FLT3: variants seen among roughly 807,000 people sequenced by gnomAD.
The protein encoded by FLT3 is receptor-type tyrosine-protein kinase FLT3.
In FLT3, 46 loss-of-function variants were observed where a neutral mutation model predicts 126.6. The ratio of observed to expected loss-of-function variants is 0.36; its 90% CI spans 0.29 to 0.46. The LOEUF (loss-of-function observed/expected upper bound fraction) is 0.46, where lower values mean the gene tolerates loss of function less well. Ranked by LOEUF, FLT3 falls within the 20% of genes least tolerant of loss-of-function variation. FLT3 has a pLI of 1.00. For missense variants in FLT3, 1,069 were observed against 1,190.3 expected, an observed-to-expected ratio of 0.90 and a Z score of 1.50; for synonymous variants, 404 against 434.4, an observed-to-expected ratio of 0.93 and a Z score of 0.87.
chr13:28,087,534 G>C (rs1226176446), intron 1 of FLT3, among the ~76,000 whole-genome samples: 1 of 152,130 alleles, frequency 6.6e-6, no homozygotes, highest in Non-Finnish European at 1.5e-5. Context: ...GAGTTTCACT[G>C]GGCTTCTTGA....
chr13:28,094,326 GTAAA>G (rs1879309059), intron 1 of FLT3, among the ~76,000 whole-genome samples: 1 of 152,040 alleles, frequency 6.6e-6, no homozygotes, highest in African/African-American at 2.4e-5. Flanking sequence ...AGCATAGACT[GTAAA>G]TAATTGTATG....
chr13:28,044,566 C>A (rs1339734879), intron 9 of FLT3, among the ~76,000 whole-genome samples: 2 of 152,108 alleles, frequency 1.3e-5, no homozygotes, highest in Admixed American at 1.3e-4. Context: ...ACATTTAGAG[C>A]ACTCAGAGGC....
chr13:28,088,507 T>C (rs1190890097), intron 1 of FLT3, among the ~76,000 whole-genome samples: 2 of 151,920 alleles, frequency 1.3e-5, no homozygotes, highest in African/African-American at 4.8e-5. Context: ...AGGCTGGTCT[T>C]GAACTGCTGA....
At chr13:28,064,203 A>T (rs1017045048) in intron 2 of FLT3, among the ~76,000 whole-genome samples, 1 of 152,216 alleles carries the variant, frequency 6.6e-6, no homozygotes, top group East Asian at 1.9e-4. Flanking sequence ...ACCTTTGAAA[A>T]TTGAGGGACA....
chr13:28,095,517 GC>G (rs1231835984), intron 1 of FLT3, among the ~76,000 whole-genome samples: 1 of 151,972 alleles, frequency 6.6e-6, no homozygotes. Flanking sequence ...CTCGTGATCT[GC>G]CCACCTTGGC....
At chr13:28,071,827 T>C (rs1415893569) in intron 1 of FLT3, among the ~76,000 whole-genome samples, 1 of 152,052 alleles carries the variant, frequency 6.6e-6, no homozygotes, top group Non-Finnish European at 1.5e-5. Context: ...TCAGCTTTCA[T>C]CATCTGCTTC....
At chr13:28,007,757 C>A (rs998977348) in intron 23 of FLT3, among the ~76,000 whole-genome samples, 2 of 152,092 alleles carry the variant, frequency 1.3e-5, no homozygotes, top group Non-Finnish European at 2.9e-5. Context: ...AATAATAGAA[C>A]CTACTTCAGG....
intron 2 of FLT3, among the ~76,000 whole-genome samples, chr13:28,064,485 C>A (rs547765543): frequency 6.6e-6 from 1 of 152,006 alleles, no homozygotes; most frequent in Admixed American, 6.6e-5. Context: ...AGGCAGAGAA[C>A]TGCTTGAACC....
chr13:28,031,629 G>A (rs1408876685), intron 15 of FLT3, among the ~76,000 whole-genome samples: 1 of 152,172 alleles, frequency 6.6e-6, no homozygotes, highest in Admixed American at 6.5e-5. Flanking sequence ...GTGAGACAGA[G>A]GAAGTGGTGT....
intron 23 of FLT3, among the ~76,000 whole-genome samples, chr13:28,006,200 C>T (rs149708099): frequency 2.3e-3 from 344 of 151,928 alleles, no homozygotes; most frequent in Non-Finnish European, 3.6e-3. Flanking sequence ...AGATTTGTTC[C>T]GTTCCCACAG....
intron 19 of FLT3, among the ~76,000 whole-genome samples, chr13:28,022,489 G>T (rs1872487162): frequency 6.6e-6 from 1 of 152,110 alleles, no homozygotes; most frequent in Admixed American, 6.6e-5. Flanking sequence ...TCCAGCCTGG[G>T]CAACAGAGCG....
In FLT3 at chr13:28,052,548, T is replaced by TC; in HGVS notation, c.610dup (p.Glu204GlyfsTer4). ...AGCTACCATGGATGTGTCATACCTT[T>TC]CCCCCTGTGAATCGCAAAGCACCCA... is the stretch of plus-strand genomic sequence containing the variant. On this transcript the variant is annotated frameshift_variant, in exon 5 of 24. Transcript: ENST00000241453. LOFTEE classifies it high-confidence loss of function. The TC allele has an allele frequency of 6.2e-7, 1 of 1,612,384 alleles. No homozygotes were observed. The highest frequency in any genetic ancestry group is 2.2e-5 in the East Asian group (1 of 44,852).
intron 15 of FLT3, among the ~76,000 whole-genome samples, chr13:28,029,224 C>G (rs1193501429): frequency 6.6e-6 from 1 of 152,172 alleles, no homozygotes; most frequent in African/African-American, 2.4e-5. Flanking sequence ...AACCCTGTCT[C>G]TACTAAACAT....
intron 23 of FLT3, among the ~76,000 whole-genome samples, chr13:28,008,428 C>CCTT (rs993911199): frequency 6.6e-6 from 1 of 151,890 alleles, no homozygotes; most frequent in South Asian, 2.1e-4. Flanking sequence ...CCCTCTTTCC[C>CCTT]CTTCTTCTTC....
intron 15 of FLT3, among the ~76,000 whole-genome samples, chr13:28,028,900 G>A (rs1009792387): frequency 6.6e-6 from 1 of 151,290 alleles, no homozygotes; most frequent in Admixed American, 6.6e-5. Context: ...TCCTACCTCA[G>A]CCCTCCAAGT....
intron 9 of FLT3, among the ~76,000 whole-genome samples, chr13:28,044,768 C>T (rs1874709640): frequency 6.6e-6 from 1 of 152,112 alleles, no homozygotes; most frequent in Admixed American, 6.5e-5. Context: ...TAACAATAAA[C>T]ACTGAGTACT....
At chr13:28,085,215 A>G (rs1476570138) in intron 1 of FLT3, among the ~76,000 whole-genome samples, 2 of 145,592 alleles carry the variant, frequency 1.4e-5, no homozygotes, top group East Asian at 2.1e-4. Context: ...CTGGTGGCGC[A>G]CGCCTATAGT....
chr13:28,018,416 G>A lies in FLT3; in HGVS notation c.2541+51C>T, dbSNP rs376666403. 7.5e-6 allele frequency: 12 copies of A among 1,602,592 alleles called. No individual in the cohort carries two copies. In the East Asian group the frequency reaches 9.0e-5, roughly 12 times the overall value. On this transcript the variant is annotated intron_variant, in intron 20 of 23. Coordinates refer to ENST00000241453, the MANE Select transcript of FLT3 (RefSeq NM_004119.3). The stretch of plus-strand genomic sequence containing the variant: ...GAGTGCAGTTGTTTACCATGATAAC[G>A]ACACAACACAAAATAGCCGTATAAA...
At chr13:28,059,958 CAATAAATAAATAAATAAATA>C (rs10523017) in intron 3 of FLT3, among the ~76,000 whole-genome samples, 12 of 148,168 alleles carry the variant, frequency 8.1e-5, no homozygotes, top group Non-Finnish European at 1.0e-4. Flanking sequence ...GACTCTGCCT[CAATAAATAAATAAATAAATA>C]AATAAATAAA....
Sources: allele counts gnomAD v4.1 joint callset (sites outside exome capture counted in the v4.1 genomes callset), GRCh38; gene constraint gnomAD v4.1.1; transcripts MANE v1.5; gene names NCBI Gene and HGNC (gene_info 2026-07-23, HGNC 2026-07-21).